The following ALK variants were observed in gnomAD, a reference collection of about 807,000 sequenced individuals.
ALK encodes ALK receptor tyrosine kinase.
ALK carries 74 observed loss-of-function variants against 163.1 expected under a neutral mutation model. That is an observed-to-expected ratio of 0.45 (90% CI 0.38 to 0.55). The LOEUF (loss-of-function observed/expected upper bound fraction) is 0.55. Ranked by LOEUF, ALK falls within the 20% of genes least tolerant of loss-of-function variation. The probability of loss-of-function intolerance (pLI) is 0.00; values close to 1 mark genes in which losing one functional copy is unlikely to be tolerated. For synonymous variants in ALK, 960 were observed against 843.2 expected (o/e 1.14, Z -2.40); for missense variants, 2,063 against 2,105.3 (o/e 0.98, Z 0.39).
At chr2:29,327,476 G>C (rs868782430) in intron 6 of ALK, among the ~76,000 whole-genome samples, 8 of 152,154 alleles carry the variant, frequency 5.3e-5, no homozygotes, top group African/African-American at 1.9e-4. Context: ...TATGGAGAAA[G>C]TGGGCCCCTC....
At chr2:29,390,971 A>G (rs1424125491) in intron 4 of ALK, among the ~76,000 whole-genome samples, 1 of 152,156 alleles carries the variant, frequency 6.6e-6, no homozygotes, top group East Asian at 1.9e-4. Flanking sequence ...AAGAGGTTTC[A>G]GGTCGAAAGG....
rs3028218 is a variant in ALK, at chr2:29,206,776, G to GGTGT, written c.3938+391_3938+394dup. On this transcript the variant is annotated intron_variant, in intron 26 of 28. Coordinates refer to ENST00000389048, the MANE Select transcript of ALK (RefSeq NM_004304.5). ...ATGCAACTAAAAGACTCCCTTTATT[G>GGTGT]GTGTGTGTGTGTGTGTGTGTGTGTA... Among the ~76,000 whole-genome samples, 876 of 150,368 alleles carry GGTGT rather than the reference G, an allele frequency of 5.8e-3. 4 individuals carry two copies. Among genetic ancestry groups the GGTGT allele is most frequent in the South Asian group, 0.015 (72 of 4,728 alleles).
At chr2:29,783,974 A>G (rs1254120968) in intron 1 of ALK, among the ~76,000 whole-genome samples, 1 of 152,134 alleles carries the variant, frequency 6.6e-6, no homozygotes, top group Non-Finnish European at 1.5e-5. Context: ...GAACTGAGAA[A>G]CTCCAAGGGC....
Position 29,705,258 on chromosome 2 carries a change from TATATATATATATATATATATATAA to T in ALK, c.788-10268_788-10245del, listed in dbSNP as rs1332709259. On this transcript the variant is annotated intron_variant, in intron 2 of 28. Coordinates refer to ENST00000389048, the MANE Select transcript of ALK (RefSeq NM_004304.5). ...GAAAAGAAATATATATATATATATA[TATATATATATATATATATATATAA>T]ATATATATCTGCTGTGATGATTGCA... Among the ~76,000 whole-genome samples the T allele has an allele frequency of 4.5e-3, 215 of 47,458 alleles. 9 individuals carry two copies. The highest frequency in any genetic ancestry group is 9.4e-3 in the African/African-American group (70 of 7,414). The allele number at this position is 47,458 out of a possible 152,430, so 31.1% of individuals were successfully genotyped here.
In ALK at chr2:29,227,786, C is replaced by A; in HGVS notation, c.2816-114G>T. 2.5e-6 allele frequency: 2 copies of A among 802,580 alleles called. No homozygotes were observed. The highest frequency in any genetic ancestry group is 1.5e-5 in the South Asian group (1 of 67,112). 49.7% of individuals were successfully genotyped at this position (802,580 alleles called of 1,614,324 possible). A position where few individuals can be genotyped will look rare whatever the true frequency, so the allele number is the denominator to read the frequency against. On this transcript the variant is annotated intron_variant, in intron 16 of 28. Coordinates refer to ENST00000389048, the MANE Select transcript of ALK (RefSeq NM_004304.5). This position sits in a 1 kb window ranked among gnomAD's most constrained non-coding sequence, Gnocchi z 4.4. ...GCCAAAGTTAGGGGGTCACTGGGGA[C>A]CTCAGGGGCAGGGATGCGGGGAGGG...
chr2:29,875,756 A>G (rs1230518103), intron 1 of ALK, among the ~76,000 whole-genome samples: 2 of 151,592 alleles, frequency 1.3e-5, no homozygotes, highest in African/African-American at 2.4e-5. Flanking sequence ...TGCAAAAGAC[A>G]TGAACTCATT....
At chr2:29,667,693 A>G (rs1050166466) in intron 3 of ALK, among the ~76,000 whole-genome samples, 2 of 151,836 alleles carry the variant, frequency 1.3e-5, no homozygotes, top group African/African-American at 2.4e-5. Context: ...AGATTTGCCT[A>G]TATTTTGTTG....
intron 3 of ALK, among the ~76,000 whole-genome samples, chr2:29,618,044 G>A (rs1021016795): frequency 1.2e-4 from 19 of 152,138 alleles, no homozygotes; most frequent in Admixed American, 3.3e-4. Context: ...ACATCCCTCC[G>A]TAGCTTTCCT....
intron 4 of ALK, among the ~76,000 whole-genome samples, chr2:29,528,156 C>T (rs1673011800): frequency 6.6e-6 from 1 of 152,202 alleles, no homozygotes; most frequent in Admixed American, 6.5e-5. Flanking sequence ...CAATTCTTCC[C>T]TCCACACACT....
At chr2:29,439,109 G>C (rs930277943) in intron 4 of ALK, among the ~76,000 whole-genome samples, 1 of 152,124 alleles carries the variant, frequency 6.6e-6, no homozygotes, top group African/African-American at 2.4e-5. Context: ...AGAGTACACA[G>C]GTCCTTAGGA....
intron 2 of ALK, among the ~76,000 whole-genome samples, chr2:29,715,964 G>C (rs577344435): frequency 2.2e-4 from 33 of 152,248 alleles, no homozygotes; most frequent in Middle Eastern, 6.8e-3. Context: ...CAGGGTTTTT[G>C]ATGGATTTTT....
In ALK at chr2:29,244,943, G is replaced by A. The variant is rs533040892; in HGVS notation, c.2205-5113C>T. ...AGTCTCAGGCCTTTCTACCAGTCTA[G>A]TCAGTGCCTGGAACACAGTAGGGCT... is the stretch of plus-strand genomic sequence containing the variant. On this transcript the variant is annotated intron_variant, in intron 12 of 28. Coordinates refer to ENST00000389048, the MANE Select transcript of ALK (RefSeq NM_004304.5). Among the ~76,000 whole-genome samples, 3 of 152,396 alleles carry A rather than the reference G, an allele frequency of 2.0e-5. No homozygotes were observed. In the South Asian group the frequency reaches 6.2e-4, roughly 32 times the overall value.
At chr2:29,229,864 T>A (rs1310834716) in intron 15 of ALK, among the ~76,000 whole-genome samples, 1 of 152,126 alleles carries the variant, frequency 6.6e-6, no homozygotes, top group East Asian at 1.9e-4. Flanking sequence ...GAAGCCCTGG[T>A]GGGTGGACGA....
intron 4 of ALK, among the ~76,000 whole-genome samples, chr2:29,530,560 G>C (rs1246582160): frequency 2.0e-5 from 3 of 152,234 alleles, no homozygotes; most frequent in Admixed American, 1.3e-4. Flanking sequence ...TGTTGAGAGT[G>C]ATAAGTCAGA....
chr2:29,371,091 G>A (rs756225974), intron 5 of ALK, among the ~76,000 whole-genome samples: 3 of 152,220 alleles, frequency 2.0e-5, no homozygotes, highest in Non-Finnish European at 4.4e-5. Flanking sequence ...GAGGGAAGGA[G>A]GGATCTCCGA....
chr2:29,497,321 C>T (rs1672055589), intron 4 of ALK, among the ~76,000 whole-genome samples: 1 of 152,072 alleles, frequency 6.6e-6, no homozygotes. Flanking sequence ...CAGGCTCTGC[C>T]ACCAGAGCCC....
At chr2:29,213,115 A>G (rs140388898) in intron 24 of ALK, among the ~76,000 whole-genome samples, 33 of 152,348 alleles carry the variant, frequency 2.2e-4, no homozygotes, top group African/African-American at 7.9e-4. Context: ...TGAGTTCACC[A>G]GGTTATTATT....
intron 3 of ALK, among the ~76,000 whole-genome samples, chr2:29,550,695 A>C (rs7575311): frequency 0.97 from 147,596 of 152,252 alleles, 71,727 homozygotes; most frequent in East Asian, 1. Context: ...AGGGACAAAT[A>C]ATACTTTCCC....
At chr2:29,890,039 A>C (rs1667105206) in intron 1 of ALK, among the ~76,000 whole-genome samples, 1 of 152,136 alleles carries the variant, frequency 6.6e-6, no homozygotes, top group African/African-American at 2.4e-5. Flanking sequence ...GGCCATTTGC[A>C]CTCTCAGCTG....
Sources: allele counts gnomAD v4.1 joint callset (sites outside exome capture counted in the v4.1 genomes callset), GRCh38; gene constraint gnomAD v4.1.1; non-coding constraint Gnocchi (gnomAD v3.1); transcripts MANE v1.5; gene names NCBI Gene and HGNC (gene_info 2026-07-23, HGNC 2026-07-21).